The following CCDC126 variants were observed in gnomAD, a reference collection of about 807,000 sequenced individuals.
CCDC126 encodes coiled-coil domain-containing protein 126.
Under a neutral mutation model 11.7 loss-of-function variants are expected in CCDC126, and 5 were observed. The observed-to-expected ratio is 0.43, with a 90% CI of 0.22 to 0.90. The LOEUF (loss-of-function observed/expected upper bound fraction) is 0.90. Among genes scored for constraint, CCDC126 ranks in the 40% least tolerant of loss-of-function variants. CCDC126 has a pLI of 0.27. For missense variants in CCDC126, 150 were observed against 163.1 expected (o/e 0.92, Z 0.44); for synonymous variants, 60 against 61.9 (o/e 0.97, Z 0.14).
intron 3 of CCDC126, among the ~76,000 whole-genome samples, chr7:23,621,139 G>C (rs1584204825): frequency 6.6e-6 from 1 of 152,344 alleles, no homozygotes; most frequent in Non-Finnish European, 1.5e-5. Flanking sequence ...GCTTGATGGG[G>C]ATGGCATTCA....
At chr7:23,626,599 T>A (rs926005130) in intron 3 of CCDC126, among the ~76,000 whole-genome samples, 2 of 152,186 alleles carry the variant, frequency 1.3e-5, no homozygotes, top group Non-Finnish European at 1.5e-5. Flanking sequence ...TATTATTATA[T>A]CATCCAGGTA....
At chr7:23,636,921 G>A (rs1288139040) in intron 3 of CCDC126, among the ~76,000 whole-genome samples, 2 of 77,190 alleles carry the variant, frequency 2.6e-5, no homozygotes, top group African/African-American at 5.7e-5. Flanking sequence ...CCCCCCGCCC[G>A]GCCAGCTGCC....
At chr7:23,628,679 A>T (rs931618044) in intron 3 of CCDC126, among the ~76,000 whole-genome samples, 2 of 152,038 alleles carry the variant, frequency 1.3e-5, no homozygotes, top group African/African-American at 4.8e-5. Context: ...CCCCCACTGT[A>T]CTCATGGGAC....
chr7:23,639,443 A>T (rs191533421), intron 3 of CCDC126, among the ~76,000 whole-genome samples: 27 of 152,194 alleles, frequency 1.8e-4, no homozygotes, highest in Admixed American at 1.1e-3. Flanking sequence ...ACCTCAAGTG[A>T]TCCATCCTGC....
intron 3 of CCDC126, among the ~76,000 whole-genome samples, chr7:23,632,974 C>A (rs1321257970): frequency 6.6e-6 from 1 of 152,196 alleles, no homozygotes; most frequent in Admixed American, 6.5e-5. Flanking sequence ...TTAGTTCACT[C>A]ATGTGATCTA....
At chr7:23,642,887 A>G (rs1332677590) in intron 3 of CCDC126, 44 bp from the exon 4 acceptor site, 1 of 1,521,428 alleles carries the variant, frequency 6.6e-7, no homozygotes, top group African/African-American at 1.4e-5. Context: ...CACAAAAATG[A>G]AGAGCTCTAT....
chr7:23,614,232 A>G (rs1232002385), intron 3 of CCDC126, among the ~76,000 whole-genome samples: 2 of 152,232 alleles, frequency 1.3e-5, no homozygotes, highest in African/African-American at 4.8e-5. Context: ...TAAAGTTTAC[A>G]TAATATTCTA....
rs554367491 is a variant in CCDC126, at chr7:23,633,643, C to T, written c.239-9288C>T. Among the ~76,000 whole-genome samples, 92 of 152,132 alleles carry T rather than the reference C, an allele frequency of 6.0e-4. 2 individuals are homozygous for T. The highest frequency in any genetic ancestry group is 2.1e-3 in the African/African-American group (88 of 41,508). ...CTTTGGGAGGCCAAGGAGGGAGGAT[C>T]ACTTAAGATCGGGAGTTCGATACCA... On this transcript the variant is annotated intron_variant, in intron 3 of 3. Coordinates refer to ENST00000307471, the MANE Select transcript of CCDC126 (RefSeq NM_138771.4).
chr7:23,598,841 T>G (rs1023410632), intron 2 of CCDC126, among the ~76,000 whole-genome samples: 6 of 152,264 alleles, frequency 3.9e-5, no homozygotes, highest in African/African-American at 1.2e-4. Context: ...TCTGTCACTA[T>G]CTGTGTAACC....
intron 3 of CCDC126, among the ~76,000 whole-genome samples, chr7:23,628,301 A>G (rs867031742): frequency 6.6e-5 from 10 of 152,242 alleles, no homozygotes; most frequent in South Asian, 2.1e-4. Flanking sequence ...TCAGGAGACC[A>G]GGAGTGACAC....
In CCDC126 at chr7:23,644,055, G is replaced by A. The variant is rs1437763649; in HGVS notation, c.*940G>A. On this transcript the variant is annotated 3_prime_UTR_variant, in exon 4 of 4. Coordinates refer to ENST00000307471, the MANE Select transcript of CCDC126 (RefSeq NM_138771.4). ...GAACTCTTGAGGACTTTAGCCAGGT[G>A]TATATAATAAAGGTACTTTTGTGCT... The A allele has an allele frequency of 6.6e-6, 1 of 152,036 alleles. No individual in the cohort carries two copies. Among genetic ancestry groups the A allele is most frequent in the Non-Finnish European group, 1.5e-5 (1 of 67,946 alleles). 9.4% of individuals were successfully genotyped at this position (152,036 alleles called of 1,614,324 possible).
intron 3 of CCDC126, among the ~76,000 whole-genome samples, chr7:23,616,863 A>G (rs1782802941): frequency 6.6e-6 from 1 of 152,014 alleles, no homozygotes; most frequent in Non-Finnish European, 1.5e-5. Flanking sequence ...TTTGATTTCT[A>G]TGTTTTTCAT....
chr7:23,611,888 A>T (rs1489826197), intron 3 of CCDC126, among the ~76,000 whole-genome samples: 1 of 152,214 alleles, frequency 6.6e-6, no homozygotes, highest in African/African-American at 2.4e-5. Flanking sequence ...TCACGCCTGT[A>T]ATCCCAGCAC....
chr7:23,604,174 T>C (rs1238879766), intron 2 of CCDC126: 2 of 152,242 alleles, frequency 1.3e-5, no homozygotes, highest in Non-Finnish European at 2.9e-5. Flanking sequence ...TTAATACCAA[T>C]GACATTTTCA....
chr7:23,614,438 C>G (rs987533510), intron 3 of CCDC126, among the ~76,000 whole-genome samples: 1 of 152,180 alleles, frequency 6.6e-6, no homozygotes, highest in Non-Finnish European at 1.5e-5. Flanking sequence ...AAGTCTTGAA[C>G]CCCTCAAAGT....
At chr7:23,635,288 A>G (rs1783190558) in intron 3 of CCDC126, among the ~76,000 whole-genome samples, 1 of 152,212 alleles carries the variant, frequency 6.6e-6, no homozygotes, top group African/African-American at 2.4e-5. Flanking sequence ...AGCTGAGAGT[A>G]AAAGGATAGA....
chr7:23,604,895 C>T (rs549049394), intron 2 of CCDC126, among the ~76,000 whole-genome samples: 29 of 150,768 alleles, frequency 1.9e-4, no homozygotes, highest in African/African-American at 6.1e-4. Flanking sequence ...CTACTTGGGA[C>T]GCTGAGGCAG....
chr7:23,638,093 G>C (rs1454707847), intron 3 of CCDC126, among the ~76,000 whole-genome samples: 1 of 138,060 alleles, frequency 7.2e-6, no homozygotes, highest in Non-Finnish European at 1.6e-5. Flanking sequence ...GAGGGTGGTG[G>C]GGGGGTCAGC....
At chr7:23,613,846 T>G (rs1782754990) in intron 3 of CCDC126, among the ~76,000 whole-genome samples, 1 of 152,298 alleles carries the variant, frequency 6.6e-6, no homozygotes, top group African/African-American at 2.4e-5. Flanking sequence ...AAAGTTAAGT[T>G]TACACTATAC....
Sources: gnomAD v4.1 joint callset for allele counts (sites outside exome capture counted in the v4.1 genomes callset) on GRCh38, gnomAD v4.1.1 for gene constraint, MANE v1.5 for transcripts, NCBI Gene and HGNC (gene_info 2026-07-23, HGNC 2026-07-21) for gene names.